Variants in UVRAG observed in about 807,000 individuals in gnomAD.
The protein encoded by UVRAG is UV radiation resistance-associated gene protein.
Under a neutral mutation model 78.0 loss-of-function variants are expected in UVRAG, and 19 were observed. That is an observed-to-expected ratio of 0.24 (90% confidence interval 0.17 to 0.36). The LOEUF (loss-of-function observed/expected upper bound fraction) is 0.36, where lower values mean the gene tolerates loss of function less well. Among genes scored for constraint, UVRAG ranks in the 10% least tolerant of loss-of-function variants. The pLI, the probability that UVRAG is intolerant of heterozygous loss-of-function variation, is 1.00. For synonymous variants in UVRAG, 323 were observed against 324.6 expected (o/e 1.00, Z 0.05); for missense variants, 740 against 853.8 (o/e 0.87, Z 1.66).
chr11:76,020,017 A>G (rs75974240), intron 12 of UVRAG, among the ~76,000 whole-genome samples: 9,931 of 152,208 alleles, frequency 0.065, 443 homozygotes, highest in Non-Finnish European at 0.099. Flanking sequence ...TCTCTATTCT[A>G]TTGCGGCTAA....
intron 6 of UVRAG, among the ~76,000 whole-genome samples, chr11:75,926,692 G>A (rs754631660): frequency 1.7e-4 from 26 of 152,092 alleles, no homozygotes; most frequent in Admixed American, 5.9e-4. Context: ...TTTAATTTGG[G>A]TCCCAGTTTA....
At chr11:76,100,170 A>G (rs899370025) in intron 13 of UVRAG, among the ~76,000 whole-genome samples, 2 of 152,172 alleles carry the variant, frequency 1.3e-5, no homozygotes, top group African/African-American at 2.4e-5. Context: ...AGAATATTTT[A>G]GAGAACTATA....
intron 12 of UVRAG, among the ~76,000 whole-genome samples, chr11:76,055,635 A>G (rs538322218): frequency 6.6e-6 from 1 of 152,324 alleles, no homozygotes; most frequent in East Asian, 1.9e-4. Context: ...TTCATCATGC[A>G]TATGATTAAC....
chr11:75,815,588 G>T, intron 1 of UVRAG, 64 bp downstream of exon 1: 3 of 1,067,340 alleles, frequency 2.8e-6, no homozygotes, highest in Non-Finnish European at 3.6e-6. Flanking sequence ...AGAGCTTGCT[G>T]GCTCCGGGCT....
intron 6 of UVRAG, among the ~76,000 whole-genome samples, chr11:75,960,298 G>T (rs140303395): frequency 5.2e-4 from 79 of 150,748 alleles, no homozygotes; most frequent in Non-Finnish European, 8.6e-4. Flanking sequence ...AAATATAATT[G>T]ATTTTTTTGT....
intron 9 of UVRAG, among the ~76,000 whole-genome samples, chr11:76,004,482 A>C (rs1289503752): frequency 6.6e-6 from 1 of 152,008 alleles, no homozygotes; most frequent in Non-Finnish European, 1.5e-5. Flanking sequence ...CAACTAGATT[A>C]TCTCTCTAAC....
intron 1 of UVRAG, among the ~76,000 whole-genome samples, chr11:75,831,356 C>T (rs1419515041): frequency 6.6e-6 from 1 of 152,070 alleles, no homozygotes; most frequent in Non-Finnish European, 1.5e-5. Context: ...GGTGTGGTGG[C>T]AGGCGCCTGT....
chr11:75,838,891 C>A (rs1487297273), intron 1 of UVRAG: 1 of 152,212 alleles, frequency 6.6e-6, no homozygotes, highest in East Asian at 1.9e-4. Flanking sequence ...AAGGGGTTAT[C>A]ATGGGGGAAG....
At chr11:75,841,870 G>C (rs150358531) in intron 1 of UVRAG, among the ~76,000 whole-genome samples, 47 of 152,178 alleles carry the variant, frequency 3.1e-4, no homozygotes, top group African/African-American at 1.1e-3. Context: ...AACCTGAGTG[G>C]CTTAAAATAA....
intron 6 of UVRAG, among the ~76,000 whole-genome samples, chr11:75,913,914 A>G (rs17134448): frequency 0.067 from 10,189 of 152,258 alleles, 483 homozygotes; most frequent in African/African-American, 0.14. Context: ...GGGAGTTCAT[A>G]TCTAGAGTAT....
chr11:76,104,074 A>G (rs888719780), intron 13 of UVRAG, among the ~76,000 whole-genome samples: 40 of 152,300 alleles, frequency 2.6e-4, no homozygotes, highest in African/African-American at 6.0e-4. Context: ...AGTGTAAACT[A>G]TCAGAGTTGA....
intron 12 of UVRAG, among the ~76,000 whole-genome samples, chr11:76,033,367 A>C (rs1190095472): frequency 6.6e-6 from 1 of 152,206 alleles, no homozygotes; most frequent in Non-Finnish European, 1.5e-5. Flanking sequence ...CTGATAAATG[A>C]ACCTAGTAGT....
At chr11:75,824,279 G>A (rs1945462528) in intron 1 of UVRAG, among the ~76,000 whole-genome samples, 1 of 152,122 alleles carries the variant, frequency 6.6e-6, no homozygotes, top group Non-Finnish European at 1.5e-5. Flanking sequence ...AAAATGATAT[G>A]AGGAAGCCTC....
At chr11:76,064,258 G>A (rs1403178588) in intron 12 of UVRAG, among the ~76,000 whole-genome samples, 1 of 152,170 alleles carries the variant, frequency 6.6e-6, no homozygotes, top group Non-Finnish European at 1.5e-5. Flanking sequence ...TACATTTGAA[G>A]CTTATAGAAT....
At chr11:76,105,360 C>G (rs547237899) in intron 13 of UVRAG, among the ~76,000 whole-genome samples, 3 of 151,498 alleles carry the variant, frequency 2.0e-5, no homozygotes, top group African/African-American at 4.8e-5. Context: ...AGCTGTGTTT[C>G]TGCCACTGCA....
At chr11:75,890,117 G>T (rs1206889365) in intron 5 of UVRAG, among the ~76,000 whole-genome samples, 2 of 152,210 alleles carry the variant, frequency 1.3e-5, no homozygotes, top group Non-Finnish European at 2.9e-5. Flanking sequence ...ACCCGATGGG[G>T]CTGGAGAGCT....
chr11:76,054,972 ACTC>A (rs1950951148), intron 12 of UVRAG, among the ~76,000 whole-genome samples: 1 of 152,094 alleles, frequency 6.6e-6, no homozygotes, highest in Admixed American at 6.5e-5. Context: ...CAGTTCTTTT[ACTC>A]TAATTTCAAA....
At chr11:75,827,801 A>T (rs1945549271) in intron 1 of UVRAG, among the ~76,000 whole-genome samples, 2 of 152,218 alleles carry the variant, frequency 1.3e-5, no homozygotes. Flanking sequence ...TCCTTCCTTA[A>T]TTCCAATCAT....
At chr11:76,110,962 G>A (rs1952057630) in intron 13 of UVRAG, among the ~76,000 whole-genome samples, 1 of 151,988 alleles carries the variant, frequency 6.6e-6, no homozygotes, top group South Asian at 2.1e-4. Context: ...AGGTTCAAGT[G>A]ATTCTCATGC....
Sources: gnomAD v4.1 joint callset for allele counts (sites outside exome capture counted in the v4.1 genomes callset) on GRCh38, gnomAD v4.1.1 for gene constraint, MANE v1.5 for transcripts, NCBI Gene and HGNC (gene_info 2026-07-23, HGNC 2026-07-21) for gene names.